Variants in GJB7 observed in about 807,000 individuals in gnomAD.
The protein encoded by GJB7 is gap junction protein beta 7.
For synonymous variants in GJB7, 87 were observed against 95.2 expected (o/e 0.91, Z 0.50); for missense variants, 253 against 256.8 (o/e 0.99, Z 0.10).
intron 2 of GJB7, among the ~76,000 whole-genome samples, chr6:87,288,197 G>T (rs1403927362): frequency 1.3e-5 from 2 of 151,988 alleles, no homozygotes; most frequent in Non-Finnish European, 2.9e-5. Context: ...CACCGTGCCT[G>T]GCCCCTATTT....
rs1013571552 is a variant in GJB7, at chr6:87,308,549, A to C, written c.-28+14317T>G. 1.2e-4 allele frequency among the ~76,000 whole-genome samples: 18 copies of C among 152,200 alleles called. 1 individual carries two copies. The highest frequency in any genetic ancestry group is 4.3e-4 in the African/African-American group (18 of 41,450). ...TAAGATGAATATGTATTTAACAAAA[A>C]AGAAAAAGACATTTGGGGCATAATG... On this transcript the variant is annotated intron_variant, in intron 2 of 2. Coordinates refer to ENST00000525899, the MANE Select transcript of GJB7 (RefSeq NM_198568.3).
intron 2 of GJB7, among the ~76,000 whole-genome samples, chr6:87,296,929 G>A (rs948064914): frequency 2.0e-5 from 3 of 152,206 alleles, no homozygotes; most frequent in Non-Finnish European, 4.4e-5. Context: ...TTAAATACAA[G>A]GTAGATTTAC....
intron 2 of GJB7, among the ~76,000 whole-genome samples, chr6:87,305,243 T>G (rs918109813): frequency 8.5e-5 from 13 of 152,078 alleles, no homozygotes; most frequent in African/African-American, 2.9e-4. Context: ...ATTGTCCCTG[T>G]TTGCAGATGA....
intron 1 of GJB7, among the ~76,000 whole-genome samples, chr6:87,328,281 TCC>T (rs764138723): frequency 0.057 from 8,658 of 152,318 alleles, 331 homozygotes; most frequent in East Asian, 0.13. Flanking sequence ...CCAACTTTGT[TCC>T]GTTGCTCGTG....
At chr6:87,294,706 C>G (rs1776224887) in intron 2 of GJB7, among the ~76,000 whole-genome samples, 1 of 152,174 alleles carries the variant, frequency 6.6e-6, no homozygotes, top group South Asian at 2.1e-4. Context: ...AGACAGTGAC[C>G]AGGGTGATGA....
intron 2 of GJB7, among the ~76,000 whole-genome samples, chr6:87,313,749 C>T (rs1776543251): frequency 6.6e-6 from 1 of 152,186 alleles, no homozygotes; most frequent in South Asian, 2.1e-4. Flanking sequence ...AAGAAATCAC[C>T]TTATCATGTA....
At position 87,284,873 on chromosome 6, in the gene GJB7, TTACTC is replaced by T; in HGVS notation, c.35_39del (p.Gly12GlufsTer2). ...CATCCAGTCCCAGTGGAGTATTTATTTACTCCACTCAGGAGATCTCTGAGGAACAT... is the reference window on the plus strand; with the variant it reads ...CATCCAGTCCCAGTGGAGTATTTATTCACTCAGGAGATCTCTGAGGAACAT... On this transcript the variant is annotated frameshift_variant, in exon 3 of 3. Coordinates refer to ENST00000525899, the MANE Select transcript of GJB7 (RefSeq NM_198568.3). LOFTEE classifies it low-confidence loss of function (END_TRUNC). 1 of 1,613,784 alleles carries T rather than the reference TTACTC, an allele frequency of 6.2e-7. No homozygotes were observed. Among genetic ancestry groups the T allele is most frequent in the Non-Finnish European group, 8.5e-7 (1 of 1,179,796 alleles).
At chr6:87,309,037 C>G (rs1776474487) in intron 2 of GJB7, among the ~76,000 whole-genome samples, 1 of 152,204 alleles carries the variant, frequency 6.6e-6, no homozygotes, top group Admixed American at 6.5e-5. Flanking sequence ...TCTGGCTGGG[C>G]TGAATTCCCT....
At chr6:87,295,208 G>A (rs1376607374) in intron 2 of GJB7, among the ~76,000 whole-genome samples, 1 of 152,158 alleles carries the variant, frequency 6.6e-6, no homozygotes, top group Non-Finnish European at 1.5e-5. Flanking sequence ...ACACTTGTGG[G>A]GAGGGCTGCC....
chr6:87,289,459 A>G (rs1007276627), intron 2 of GJB7, among the ~76,000 whole-genome samples: 1 of 152,232 alleles, frequency 6.6e-6, no homozygotes, highest in Admixed American at 6.5e-5. Flanking sequence ...CATTACGCCA[A>G]TTTACCAAGC....
intron 2 of GJB7, among the ~76,000 whole-genome samples, chr6:87,303,412 G>C (rs1217972341): frequency 6.6e-6 from 1 of 152,088 alleles, no homozygotes; most frequent in Non-Finnish European, 1.5e-5. Flanking sequence ...AACCAACAAA[G>C]ATCAAAAGAG....
At chr6:87,311,879 G>C (rs1413766930) in intron 2 of GJB7, among the ~76,000 whole-genome samples, 1 of 152,148 alleles carries the variant, frequency 6.6e-6, no homozygotes, top group Non-Finnish European at 1.5e-5. Context: ...GGCTGATGCA[G>C]GTACCCTTGA....
chr6:87,305,581 T>G (rs904343532), intron 2 of GJB7, among the ~76,000 whole-genome samples: 17 of 152,104 alleles, frequency 1.1e-4, no homozygotes, highest in African/African-American at 4.1e-4. Flanking sequence ...GAATCAATAT[T>G]ATGAAAATGG....
intron 2 of GJB7, among the ~76,000 whole-genome samples, chr6:87,297,925 T>G (rs1776268511): frequency 6.6e-6 from 1 of 152,196 alleles, no homozygotes; most frequent in Admixed American, 6.5e-5. Flanking sequence ...CTTATGATGA[T>G]CCTCCAGAGA....
intron 1 of GJB7, among the ~76,000 whole-genome samples, chr6:87,324,801 A>G (rs1258911726): frequency 7.9e-5 from 12 of 152,278 alleles, no homozygotes; most frequent in East Asian, 5.8e-4. Flanking sequence ...TTCCAATTCT[A>G]TGAAGAAAGA....
intron 2 of GJB7, among the ~76,000 whole-genome samples, chr6:87,321,235 A>G (rs952180205): frequency 2.0e-5 from 3 of 152,072 alleles, no homozygotes; most frequent in Admixed American, 2.0e-4. Flanking sequence ...TCAAAAAAAA[A>G]AAAAAAAAAG....
intron 2 of GJB7, among the ~76,000 whole-genome samples, chr6:87,293,675 A>G (rs534786886): frequency 5.1e-4 from 77 of 152,352 alleles, no homozygotes; most frequent in Non-Finnish European, 7.2e-4. Flanking sequence ...TGCTAGCAGC[A>G]GCGGGGCTGA....
At chr6:87,325,020 C>T (rs547999079) in intron 1 of GJB7, among the ~76,000 whole-genome samples, 448 of 152,006 alleles carry the variant, frequency 2.9e-3, no homozygotes, top group African/African-American at 0.01. Context: ...GTATTTTATT[C>T]TCTTTGAAGC....
chr6:87,326,897 A>T (rs1315935679), intron 1 of GJB7, among the ~76,000 whole-genome samples: 2 of 114,308 alleles, frequency 1.7e-5, no homozygotes, highest in South Asian at 5.7e-4. Context: ...AATTTGTGGG[A>T]GTTTAAGTCT....
Sources: gnomAD v4.1 joint callset for allele counts (sites outside exome capture counted in the v4.1 genomes callset) on GRCh38, gnomAD v4.1.1 for gene constraint, MANE v1.5 for transcripts, NCBI Gene and HGNC (gene_info 2026-07-23, HGNC 2026-07-21) for gene names.